Variants in CDK14 observed in about 807,000 individuals in gnomAD.
CDK14 encodes the protein cyclin dependent kinase 14, also known as cyclin-dependent kinase 14.
CDK14 carries 34 observed loss-of-function variants against 60.7 expected under a neutral mutation model. The observed-to-expected ratio is 0.56, with a 90% CI of 0.43 to 0.75. The LOEUF is 0.75. CDK14 is among the 30% of genes least tolerant of loss of function. CDK14 has a pLI of 0.00. For missense variants in CDK14, 482 were observed against 564.1 expected (o/e 0.85, Z 1.47); for synonymous variants, 197 against 203.7 (o/e 0.97, Z 0.28).
At chr7:91,122,199 C>G (rs987264430) in intron 14 of CDK14, among the ~76,000 whole-genome samples, 2 of 152,082 alleles carry the variant, frequency 1.3e-5, no homozygotes, top group Non-Finnish European at 2.9e-5. Context: ...AAGAAGTTAA[C>G]TGCATGCATG....
intron 2 of CDK14, among the ~76,000 whole-genome samples, chr7:90,667,448 C>G (rs1801005816): frequency 6.6e-6 from 1 of 152,072 alleles, no homozygotes; most frequent in Non-Finnish European, 1.5e-5. Context: ...TTTTTTTCTC[C>G]CTCCACTAAC....
chr7:91,028,942 A>G, intron 10 of CDK14, among the ~76,000 whole-genome samples: 1 of 152,196 alleles, frequency 6.6e-6, no homozygotes, highest in South Asian at 2.1e-4. Flanking sequence ...GTTGCTATGC[A>G]GAAGATTTTT....
At chr7:91,001,547 GT>G (rs1795834657) in intron 10 of CDK14, among the ~76,000 whole-genome samples, 1 of 152,050 alleles carries the variant, frequency 6.6e-6, no homozygotes, top group Admixed American at 6.5e-5. Flanking sequence ...TAGTGGCTCC[GT>G]TTTTTATTGT....
At chr7:90,846,643 C>G (rs1055174274) in intron 5 of CDK14, among the ~76,000 whole-genome samples, 5 of 152,140 alleles carry the variant, frequency 3.3e-5, no homozygotes, top group Admixed American at 3.3e-4. Context: ...CCCAGTGCCC[C>G]ATGCCAGAGT....
At chr7:90,783,829 G>C (rs1300214906) in intron 4 of CDK14, among the ~76,000 whole-genome samples, 1 of 152,112 alleles carries the variant, frequency 6.6e-6, no homozygotes, top group East Asian at 1.9e-4. Context: ...GCTGTTGGTG[G>C]GAATGTAAAT....
chr7:90,845,342 G>A (rs958097408), intron 5 of CDK14, among the ~76,000 whole-genome samples: 7 of 151,782 alleles, frequency 4.6e-5, no homozygotes, highest in Admixed American at 1.3e-4. Flanking sequence ...AAACATTTTT[G>A]GACATCATTG....
intron 10 of CDK14, among the ~76,000 whole-genome samples, chr7:91,015,533 T>TTG (rs1796277449): frequency 7.2e-6 from 1 of 139,170 alleles, no homozygotes; most frequent in African/African-American, 2.7e-5. Context: ...TTTTTTTTTT[T>TTG]TTTTTTTTTT....
rs371798844 is a variant in CDK14, at chr7:90,623,026, A to G, written c.123+18777A>G. Among the ~76,000 whole-genome samples, 143 of 147,300 alleles carry G rather than the reference A, an allele frequency of 9.7e-4. 1 individual carries two copies. Among genetic ancestry groups the G allele is most frequent in the African/African-American group, 3.3e-3 (131 of 40,042 alleles). On this transcript the variant is annotated intron_variant, in intron 2 of 14. Transcript: ENST00000380050. Reference sequence around the variant, plus strand: ...TGTGTAATGAATATTCATAGTTTCCATTATTAATGTAATAGCATGCCATTT... The same window carrying G: ...TGTGTAATGAATATTCATAGTTTCCGTTATTAATGTAATAGCATGCCATTT...
chr7:90,611,296 G>A (rs528584476), intron 2 of CDK14, among the ~76,000 whole-genome samples: 5 of 152,150 alleles, frequency 3.3e-5, no homozygotes, highest in South Asian at 2.1e-4. Flanking sequence ...TACACTTGAC[G>A]TCAGTGTGGC....
chr7:90,988,129 C>G (rs1405207), intron 10 of CDK14, among the ~76,000 whole-genome samples: 23,481 of 152,012 alleles, frequency 0.15, 1,918 homozygotes, highest in Non-Finnish European at 0.18. Flanking sequence ...TTATGTTTTT[C>G]TTTCTAAGGT....
intron 14 of CDK14, among the ~76,000 whole-genome samples, chr7:91,197,412 A>G (rs1386022640): frequency 6.6e-6 from 1 of 152,038 alleles, no homozygotes; most frequent in African/African-American, 2.4e-5. Context: ...AAAAAAAAAA[A>G]AAAAAAAGTC....
chr7:90,771,945 A>G (rs1804799896), intron 4 of CDK14, among the ~76,000 whole-genome samples: 1 of 152,224 alleles, frequency 6.6e-6, no homozygotes, highest in Non-Finnish European at 1.5e-5. Context: ...CAGTTAATAA[A>G]TGTTACCTGT....
At chr7:90,638,337 A>G (rs1302561948) in intron 2 of CDK14, among the ~76,000 whole-genome samples, 1 of 151,764 alleles carries the variant, frequency 6.6e-6, no homozygotes, top group East Asian at 1.9e-4. Context: ...TGGTGACAAA[A>G]TCTCTCATCA....
chr7:90,670,731 A>G (rs1462056128), intron 2 of CDK14, among the ~76,000 whole-genome samples: 1 of 152,110 alleles, frequency 6.6e-6, no homozygotes, highest in East Asian at 1.9e-4. Context: ...GCACCAAAAC[A>G]TAAGGAATCC....
At chr7:91,111,377 T>G (rs930754197) in intron 12 of CDK14, among the ~76,000 whole-genome samples, 2 of 152,174 alleles carry the variant, frequency 1.3e-5, no homozygotes, top group African/African-American at 4.8e-5. Flanking sequence ...TCAAGGATTT[T>G]TAAAGAAATA....
chr7:91,064,294 A>G (rs768664406), intron 11 of CDK14, among the ~76,000 whole-genome samples: 6 of 152,092 alleles, frequency 3.9e-5, no homozygotes, highest in Non-Finnish European at 8.8e-5. Context: ...AGTCTCTACC[A>G]TTTAAGACCC....
chr7:91,091,499 T>TATA lies in CDK14; in HGVS notation c.1154+12019_1154+12020insATA, dbSNP rs529876993. 2.2e-4 allele frequency among the ~76,000 whole-genome samples: 8 copies of TATA among 37,106 alleles called. No homozygotes were observed. The East Asian group carries it at 0.013, about 59-fold the overall frequency. The allele number at this position is 37,106 out of a possible 152,430, so 24.3% of individuals were successfully genotyped here. A position where few individuals can be genotyped will look rare whatever the true frequency, so the allele number is the denominator to read the frequency against. ...CATATATGTATATGTAGTTTATATATTTTATATATATATATATAAATTAGC... is the reference window on the plus strand; with the variant it reads ...CATATATGTATATGTAGTTTATATATATATTTATATATATATATATAAATTAGC... On this transcript the variant is annotated intron_variant, in intron 12 of 14. Transcript: ENST00000380050.
intron 12 of CDK14, among the ~76,000 whole-genome samples, chr7:91,080,984 A>T (rs966912674): frequency 6.6e-6 from 1 of 152,206 alleles, no homozygotes; most frequent in Non-Finnish European, 1.5e-5. Context: ...TTGAGGTAAG[A>T]TTTTAAAATT....
At chr7:90,636,223 T>G (rs1368385903) in intron 2 of CDK14, among the ~76,000 whole-genome samples, 135 of 152,116 alleles carry the variant, frequency 8.9e-4, no homozygotes, top group Non-Finnish European at 1.4e-3. Flanking sequence ...AGTTTTCAAA[T>G]GGAATGGTTC....
Sources: gnomAD v4.1 joint callset for allele counts (sites outside exome capture counted in the v4.1 genomes callset) on GRCh38, gnomAD v4.1.1 for gene constraint, MANE v1.5 for transcripts, NCBI Gene and HGNC (gene_info 2026-07-23, HGNC 2026-07-21) for gene names.